CADPS2: variants seen among roughly 807,000 people sequenced by gnomAD.
CADPS2 encodes the protein calcium-dependent secretion activator 2.
CADPS2 carries 93 observed loss-of-function variants against 172.5 expected under a neutral mutation model. The observed-to-expected ratio is 0.54, with a 90% CI of 0.46 to 0.64. CADPS2 has a LOEUF of 0.64. Ranked by LOEUF, CADPS2 falls within the 30% of genes least tolerant of loss-of-function variation. The probability of loss-of-function intolerance (pLI) is 0.00; values close to 1 mark genes in which losing one functional copy is unlikely to be tolerated. For missense variants in CADPS2, 1,420 were observed against 1,565.9 expected (o/e 0.91, Z 1.57); for synonymous variants, 546 against 555.2 (o/e 0.98, Z 0.23).
At chr7:122,735,129 C>A (rs2092052251) in intron 2 of CADPS2, among the ~76,000 whole-genome samples, 1 of 152,080 alleles carries the variant, frequency 6.6e-6, no homozygotes, top group African/African-American at 2.4e-5. Context: ...AGTATGTTTC[C>A]CAAGTGACTG....
Position 122,886,187 on chromosome 7 carries a change from C to A in CADPS2, c.151G>T (p.Gly51Cys). The part of the protein sequence containing the change: ...RRDAPGRAGG[G>C]GAARSVSPSP... ...GGGCTCACAGATCTGGCCGCGCCGC[C>A]GCCGCCCGCGCGCCCCGGCGCGTCC... Residue 51 changes from glycine (G) to cysteine (C), a missense_variant, in exon 1 of 30, where the codon GGC becomes TGC. Transcript: ENST00000449022. 6.8e-7 allele frequency: 1 copy of A among 1,470,656 alleles called. No homozygotes were observed. Among genetic ancestry groups the A allele is most frequent in the Non-Finnish European group, 8.9e-7 (1 of 1,120,310 alleles). The allele number at this position is 1,470,656 out of a possible 1,614,324, so 91.1% of individuals were successfully genotyped here. A position where few individuals can be genotyped will look rare whatever the true frequency, so the allele number is the denominator to read the frequency against.
intron 7 of CADPS2, 101 bp from the exon 8 acceptor site, chr7:122,554,790 C>T: frequency 9.7e-7 from 1 of 1,032,200 alleles, no homozygotes; most frequent in Non-Finnish European, 1.3e-6. Flanking sequence ...AAAATGATGT[C>T]AACACCCAAA....
chr7:122,716,512 T>C (rs561235544), intron 2 of CADPS2, among the ~76,000 whole-genome samples: 13 of 151,948 alleles, frequency 8.6e-5, no homozygotes, highest in Non-Finnish European at 1.9e-4. Flanking sequence ...GGAACACATT[T>C]GGTTTTCTGT....
At chr7:122,694,393 A>T (rs2084800339) in intron 2 of CADPS2, among the ~76,000 whole-genome samples, 2 of 152,232 alleles carry the variant, frequency 1.3e-5, no homozygotes, top group South Asian at 4.1e-4. Flanking sequence ...TGGCAACAAC[A>T]GTGTGTTGCT....
chr7:122,409,927 C>G (rs1445312803), intron 19 of CADPS2, among the ~76,000 whole-genome samples: 4 of 152,154 alleles, frequency 2.6e-5, no homozygotes, highest in Non-Finnish European at 5.9e-5. Context: ...GGTTAAAGTT[C>G]TTTTGGCTTT....
At chr7:122,658,918 TAA>T (rs199711943) in intron 3 of CADPS2, among the ~76,000 whole-genome samples, 1 of 147,952 alleles carries the variant, frequency 6.8e-6, no homozygotes, top group South Asian at 2.1e-4. Flanking sequence ...TAATAATATG[TAA>T]AAAAAAAAGT....
intron 1 of CADPS2, among the ~76,000 whole-genome samples, chr7:122,860,394 A>AT (rs567689878): frequency 1.1e-4 from 16 of 152,008 alleles, no homozygotes; most frequent in Middle Eastern, 3.4e-3. Flanking sequence ...ACCTGGCTAA[A>AT]TTTTTTACTT....
chr7:122,359,991 A>G (rs1435454432), intron 27 of CADPS2, among the ~76,000 whole-genome samples: 1 of 152,190 alleles, frequency 6.6e-6, no homozygotes, highest in African/African-American at 2.4e-5. Context: ...CAATGTAGAG[A>G]TATAATGTTC....
At chr7:122,782,275 T>C (rs1303037324) in intron 1 of CADPS2, among the ~76,000 whole-genome samples, 1 of 152,198 alleles carries the variant, frequency 6.6e-6, no homozygotes, top group Non-Finnish European at 1.5e-5. Context: ...CCTCTTGCCA[T>C]GTCTTTGTGG....
chr7:122,857,011 A>G (rs572988156), intron 1 of CADPS2, among the ~76,000 whole-genome samples: 10 of 152,274 alleles, frequency 6.6e-5, no homozygotes, highest in African/African-American at 2.2e-4. Context: ...TCCTCTCCCC[A>G]TAAGGTTTTT....
intron 25 of CADPS2, chr7:122,367,007 A>G (rs984064455): frequency 2.0e-5 from 3 of 152,082 alleles, no homozygotes; most frequent in Non-Finnish European, 4.4e-5. Flanking sequence ...GTTCCTCCAC[A>G]AATAAAGTGA....
intron 12 of CADPS2, among the ~76,000 whole-genome samples, chr7:122,477,864 C>T (rs1030484251): frequency 2.6e-5 from 4 of 152,252 alleles, no homozygotes; most frequent in Admixed American, 2.0e-4. Context: ...TCATGTTGTA[C>T]ATTAGATCTC....
intron 1 of CADPS2, among the ~76,000 whole-genome samples, chr7:122,869,167 T>C (rs1819079037): frequency 6.6e-6 from 1 of 151,878 alleles, no homozygotes; most frequent in Non-Finnish European, 1.5e-5. Context: ...ACTGCCCAAG[T>C]CTAGGGAAGA....
chr7:122,501,190 G>A (rs950591749), intron 9 of CADPS2, among the ~76,000 whole-genome samples: 11 of 152,090 alleles, frequency 7.2e-5, no homozygotes, highest in Non-Finnish European at 1.5e-4. Flanking sequence ...AGGGATTCAA[G>A]GTGGCAGTGA....
chr7:122,693,001 A>C (rs1317034336), intron 2 of CADPS2, among the ~76,000 whole-genome samples: 2 of 152,148 alleles, frequency 1.3e-5, no homozygotes, highest in Non-Finnish European at 2.9e-5. Flanking sequence ...AAATCTTCCC[A>C]TGTTATGGCC....
At chr7:122,876,997 C>A (rs1031431294) in intron 1 of CADPS2, among the ~76,000 whole-genome samples, 11 of 151,894 alleles carry the variant, frequency 7.2e-5, no homozygotes, top group African/African-American at 2.4e-4. Context: ...TTCTGATAGA[C>A]CTTTCTCTTA....
At chr7:122,740,785 TA>T (rs1562908453) in intron 1 of CADPS2, among the ~76,000 whole-genome samples, 1 of 152,130 alleles carries the variant, frequency 6.6e-6, no homozygotes, top group Non-Finnish European at 1.5e-5. Flanking sequence ...AGTTCATTTC[TA>T]ACCATATAGA....
chr7:122,637,881 T>C (rs2077229029), intron 3 of CADPS2, among the ~76,000 whole-genome samples: 1 of 152,190 alleles, frequency 6.6e-6, no homozygotes, highest in East Asian at 1.9e-4. Flanking sequence ...TACATAATCT[T>C]TATTTATGTC....
chr7:122,801,178 GAT>G (rs1407225814), intron 1 of CADPS2, among the ~76,000 whole-genome samples: 2 of 152,058 alleles, frequency 1.3e-5, no homozygotes, highest in African/African-American at 4.8e-5. Context: ...TATAGGGAGA[GAT>G]AGAGACCAAA....
Sources: gnomAD v4.1 joint callset for allele counts (sites outside exome capture counted in the v4.1 genomes callset) on GRCh38, gnomAD v4.1.1 for gene constraint, MANE v1.5 for transcripts, NCBI Gene and HGNC (gene_info 2026-07-23, HGNC 2026-07-21) for gene names.